LRMDA: variants seen among roughly 807,000 people sequenced by gnomAD.
LRMDA encodes leucine-rich melanocyte differentiation-associated protein.
Under a neutral mutation model 29.8 loss-of-function variants are expected in LRMDA, and 18 were observed. The ratio of observed to expected loss-of-function variants is 0.60; its 90% CI spans 0.42 to 0.90. LRMDA has a LOEUF of 0.90. Among genes scored for constraint, LRMDA ranks in the 40% least tolerant of loss-of-function variants. The pLI is 0.00. For synonymous variants in LRMDA, 125 were observed against 109.4 expected, an observed-to-expected ratio of 1.14 and a Z score of -0.89; for missense variants, 273 against 273.9, an observed-to-expected ratio of 1.00 and a Z score of 0.02.
At chr10:76,277,707 C>G (rs1261444587) in intron 5 of LRMDA, among the ~76,000 whole-genome samples, 2 of 152,154 alleles carry the variant, frequency 1.3e-5, no homozygotes, top group Non-Finnish European at 2.9e-5. Context: ...ATCTTCCCAC[C>G]TCTCATAATA....
In LRMDA at chr10:76,370,833, T is replaced by C. The variant is rs149935894; in HGVS notation, c.601+46348T>C. 3.1e-3 allele frequency among the ~76,000 whole-genome samples: 472 copies of C among 152,184 alleles called. 4 individuals are homozygous for C. The highest frequency in any genetic ancestry group is 0.011 in the African/African-American group (442 of 41,520). ...TGTAGTAAATTTGAAAAATTGTAGG[T>C]CAACCCATTATAAGTTGAGGATGGA... On this transcript the variant is annotated intron_variant, in intron 6 of 6. Transcript: ENST00000611255.
chr10:76,514,840 G>A (rs1199951507), intron 6 of LRMDA, among the ~76,000 whole-genome samples: 1 of 152,126 alleles, frequency 6.6e-6, no homozygotes, highest in Non-Finnish European at 1.5e-5. Context: ...GATCCATGAA[G>A]AAATGGGCTT....
intron 5 of LRMDA, among the ~76,000 whole-genome samples, chr10:76,232,926 C>T (rs939259536): frequency 2.6e-5 from 4 of 152,178 alleles, no homozygotes; most frequent in Non-Finnish European, 5.9e-5. Context: ...AAACCAAAGA[C>T]ACCACTCAAA....
chr10:76,442,978 C>A (rs912515913), intron 6 of LRMDA, among the ~76,000 whole-genome samples: 1 of 152,060 alleles, frequency 6.6e-6, no homozygotes, highest in Non-Finnish European at 1.5e-5. Context: ...TTCAATTTTA[C>A]GGTATACAAA....
chr10:75,441,974 G>A (rs1253272017), intron 2 of LRMDA, among the ~76,000 whole-genome samples: 1 of 152,208 alleles, frequency 6.6e-6, no homozygotes, highest in African/African-American at 2.4e-5. Context: ...TTTAGAAGGA[G>A]CAAATATGCA....
chr10:76,248,006 A>G (rs1852406580), intron 5 of LRMDA, among the ~76,000 whole-genome samples: 1 of 152,140 alleles, frequency 6.6e-6, no homozygotes, highest in African/African-American at 2.4e-5. Context: ...TGGGGAAAGG[A>G]CACAGGTGTC....
At chr10:75,908,405 A>G (rs772340906) in intron 2 of LRMDA, among the ~76,000 whole-genome samples, 4 of 152,218 alleles carry the variant, frequency 2.6e-5, no homozygotes, top group Non-Finnish European at 4.4e-5. Flanking sequence ...ACTCATTTGT[A>G]TAGTAATAAA....
chr10:76,453,508 T>G (rs1412623810), intron 6 of LRMDA, among the ~76,000 whole-genome samples: 1 of 152,334 alleles, frequency 6.6e-6, no homozygotes, highest in South Asian at 2.1e-4. Context: ...AAGCATCTGC[T>G]TAGAGGAATG....
At chr10:75,967,574 T>A (rs1459733983) in intron 2 of LRMDA, among the ~76,000 whole-genome samples, 1 of 152,236 alleles carries the variant, frequency 6.6e-6, no homozygotes, top group Non-Finnish European at 1.5e-5. Flanking sequence ...AATTATAATT[T>A]GATAAATCAT....
At chr10:75,985,732 A>G (rs553750182) in intron 2 of LRMDA, among the ~76,000 whole-genome samples, 1 of 152,232 alleles carries the variant, frequency 6.6e-6, no homozygotes, top group South Asian at 2.1e-4. Context: ...TCAGAGATGG[A>G]GGGAGGTGGG....
intron 2 of LRMDA, among the ~76,000 whole-genome samples, chr10:75,576,204 G>C (rs1840504327): frequency 6.6e-6 from 1 of 152,180 alleles, no homozygotes; most frequent in South Asian, 2.1e-4. Context: ...CACCATTGCT[G>C]AGGCTTGAAT....
intron 2 of LRMDA, among the ~76,000 whole-genome samples, chr10:75,712,897 A>G (rs1054784250): frequency 6.6e-6 from 1 of 151,944 alleles, no homozygotes; most frequent in Non-Finnish European, 1.5e-5. Flanking sequence ...TCTGCAGAAT[A>G]TGGTTCCTTC....
chr10:76,152,390 A>G lies in LRMDA; in HGVS notation c.516+93607A>G, dbSNP rs541258898. 1.7e-3 allele frequency among the ~76,000 whole-genome samples: 264 copies of G among 152,352 alleles called. 1 individual carries two copies. Among genetic ancestry groups the G allele is most frequent in the African/African-American group, 6.1e-3 (255 of 41,590 alleles). On this transcript the variant is annotated intron_variant, in intron 5 of 6. Coordinates refer to ENST00000611255, the MANE Select transcript of LRMDA (RefSeq NM_001305581.2). ...ATGGGTAAATAATATTCCATTGTAT[A>G]GATATACCATATTTTATCTATCCAT...
At position 75,512,231 on chromosome 10, in the gene LRMDA, G is replaced by T. The variant is rs190107732; in HGVS notation, c.131+73737G>T. 3.6e-3 allele frequency among the ~76,000 whole-genome samples: 546 copies of T among 152,310 alleles called. 14 individuals are homozygous for T. The highest frequency in any genetic ancestry group is 4.9e-3 in the Non-Finnish European group (330 of 68,024). On this transcript the variant is annotated intron_variant, in intron 2 of 6. Coordinates refer to ENST00000611255, the MANE Select transcript of LRMDA (RefSeq NM_001305581.2). ...CAGTCTGACTGACTGTGCCATAAAG[G>T]TCCATGTCTTGCTGCTTCCCTCCTG...
intron 5 of LRMDA, among the ~76,000 whole-genome samples, chr10:76,148,397 AC>A (rs1008561934): frequency 1.3e-4 from 19 of 151,140 alleles, no homozygotes; most frequent in African/African-American, 4.6e-4. Flanking sequence ...AATGGCGGGA[AC>A]CCCTCCCCCA....
chr10:75,834,193 T>A (rs1279851636), intron 2 of LRMDA, among the ~76,000 whole-genome samples: 2 of 152,188 alleles, frequency 1.3e-5, no homozygotes, highest in African/African-American at 4.8e-5. Flanking sequence ...ACTTATGGTA[T>A]CCAATGTATG....
chr10:75,802,970 A>ATT lies in LRMDA; in HGVS notation c.132-233037_132-233036insTT, dbSNP rs1554826738. ...TGTGTGTGTGTATATATATATATAT[A>ATT]TATTTTTTTTTTTTTCTTAGCTCCC... On this transcript the variant is annotated intron_variant, in intron 2 of 6. Coordinates refer to ENST00000611255, the MANE Select transcript of LRMDA (RefSeq NM_001305581.2). 6.2e-5 allele frequency among the ~76,000 whole-genome samples: 8 copies of ATT among 128,246 alleles called. No homozygotes were observed. The South Asian group carries it at 7.2e-4, about 11-fold the overall frequency. 84.1% of individuals were successfully genotyped at this position (128,246 alleles called of 152,430 possible). A position where few individuals can be genotyped will look rare whatever the true frequency, so the allele number is the denominator to read the frequency against.
In LRMDA at chr10:75,774,631, T is replaced by G. The variant is rs145987414; in HGVS notation, c.132-261377T>G. ...AAAGCATATTACCATAATGTAACCA[T>G]GCTTGGAAAACTGTGTGGCTTCTCA... is the stretch of plus-strand genomic sequence containing the variant. On this transcript the variant is annotated intron_variant, in intron 2 of 6. Coordinates refer to ENST00000611255, the MANE Select transcript of LRMDA (RefSeq NM_001305581.2). Among the ~76,000 whole-genome samples the G allele has an allele frequency of 2.2e-3, 328 of 152,238 alleles. 3 individuals are homozygous for G. The highest frequency in any genetic ancestry group is 0.01 in the Middle Eastern group (3 of 294).
intron 5 of LRMDA, among the ~76,000 whole-genome samples, chr10:76,258,133 C>T (rs1436780298): frequency 2.0e-5 from 3 of 152,134 alleles, no homozygotes; most frequent in African/African-American, 4.8e-5. Context: ...GGTTACATTG[C>T]CCAGGGAAGT....
Sources: gnomAD v4.1 joint callset for allele counts (sites outside exome capture counted in the v4.1 genomes callset) on GRCh38, gnomAD v4.1.1 for gene constraint, MANE v1.5 for transcripts, NCBI Gene and HGNC (gene_info 2026-07-23, HGNC 2026-07-21) for gene names.